Variants in OR52N2 observed in about 807,000 individuals in gnomAD.
The protein encoded by OR52N2 is olfactory receptor family 52 subfamily N member 2.
For missense variants in OR52N2, 326 were observed against 196.6 expected (o/e 1.66, Z -3.94); for synonymous variants, 129 against 72.0 (o/e 1.79, Z -4.01).
intron 1 of OR52N2, among the ~76,000 whole-genome samples, chr11:5,818,947 G>C (rs1846425343): frequency 6.6e-6 from 1 of 152,132 alleles, no homozygotes; most frequent in Admixed American, 6.5e-5. Context: ...CAGAGATCAC[G>C]AGCTTCTGAA....
Position 5,821,446 on chromosome 11 carries a change from A to T in OR52N2, c.*145A>T. ...GCACGTGTACCTAAAATAAAAATAG[A>T]AATAAAAAATCAAAATAAAGACATA... On this transcript the variant is annotated 3_prime_UTR_variant, in exon 2 of 2. Transcript: ENST00000317037. 2 of 571,272 alleles carry T rather than the reference A, an allele frequency of 3.5e-6. No individual in the cohort carries two copies. Among genetic ancestry groups the T allele is most frequent in the Non-Finnish European group, 6.2e-6 (2 of 323,934 alleles). The allele number at this position is 571,272 out of a possible 1,614,324, so 35.4% of individuals were successfully genotyped here.
intron 1 of OR52N2, among the ~76,000 whole-genome samples, chr11:5,819,212 A>T (rs1846427188): frequency 1.2e-5 from 1 of 85,356 alleles, no homozygotes; most frequent in African/African-American, 4.6e-5. Flanking sequence ...TATTCCGAAT[A>T]AAAAAAAAAT....
intron 1 of OR52N2, among the ~76,000 whole-genome samples, chr11:5,810,968 A>C (rs933744989): frequency 6.6e-6 from 1 of 151,948 alleles, no homozygotes; most frequent in African/African-American, 2.4e-5. Flanking sequence ...TGGAGATAAA[A>C]ATTTTTTTAT....
At chr11:5,819,292 A>AT (rs1255655253) in intron 1 of OR52N2, among the ~76,000 whole-genome samples, 1 of 152,184 alleles carries the variant, frequency 6.6e-6, no homozygotes, top group Non-Finnish European at 1.5e-5. Context: ...ATACTATTCA[A>AT]TTCTTTCTAC....
In OR52N2 at chr11:5,820,419, G is replaced by A. The variant is rs1191260207; in HGVS notation, c.84G>A (p.Trp28Ter). The change falls in exon 2 of 2, where the codon TGG becomes TGA. Residue 28 changes from tryptophan to a stop codon, truncating the protein, a stop_gained. Transcript: ENST00000317037. LOFTEE classifies it low-confidence loss of function (END_TRUNC). ...GVPGLEATHI[W>*]ISLPFCFMYI... ...CTGGGCTGGAAGCCACACACATCTGGATCTCCCTGCCATTCTGCTTTATGT... is the reference window on the plus strand; with the variant it reads ...CTGGGCTGGAAGCCACACACATCTGAATCTCCCTGCCATTCTGCTTTATGT... 1 of 780,738 alleles carries A rather than the reference G, an allele frequency of 1.3e-6. No individual in the cohort carries two copies. Among genetic ancestry groups the A allele is most frequent in the Non-Finnish European group, 2.4e-6 (1 of 418,068 alleles). 48.4% of individuals were successfully genotyped at this position (780,738 alleles called of 1,614,324 possible).
In OR52N2 at chr11:5,809,787, T is replaced by C. The variant is rs185316244; in HGVS notation, c.-55+733T>C. ...AAATTTAAATGTGTCCCAGAGATTC[T>C]GGCACATTGTGTCTTTGTTCTCATT... On this transcript the variant is annotated intron_variant, in intron 1 of 1. Coordinates refer to ENST00000317037, the MANE Select transcript of OR52N2 (RefSeq NM_001005174.3). 5.3e-4 allele frequency among the ~76,000 whole-genome samples: 80 copies of C among 152,340 alleles called. 1 individual carries two copies. The highest frequency in any genetic ancestry group is 1.9e-3 in the African/African-American group (78 of 41,590).
At chr11:5,812,285 G>A (rs946160285) in intron 1 of OR52N2, among the ~76,000 whole-genome samples, 3 of 151,058 alleles carry the variant, frequency 2.0e-5, no homozygotes, top group African/African-American at 7.3e-5. Flanking sequence ...ACGAGGTCAG[G>A]AGATCTAGAC....
chr11:5,816,545 C>CTTTTTTTTTTTTTTTTTTTTTTTTTT (rs1464421774), intron 1 of OR52N2, among the ~76,000 whole-genome samples: 1 of 150,604 alleles, frequency 6.6e-6, no homozygotes, highest in Non-Finnish European at 1.5e-5. Flanking sequence ...TGATCTAAAT[C>CTTTTTTTTTTTTTTTTTTTTTTTTTT]TTCTTTTTTT....
chr11:5,809,978 T>C (rs1846342260), intron 1 of OR52N2, among the ~76,000 whole-genome samples: 1 of 152,218 alleles, frequency 6.6e-6, no homozygotes, highest in Non-Finnish European at 1.5e-5. Context: ...GAAAACGGTA[T>C]AATTAATTAT....
chr11:5,814,775 G>T (rs1305650706), intron 1 of OR52N2, among the ~76,000 whole-genome samples: 2 of 152,070 alleles, frequency 1.3e-5, no homozygotes, highest in African/African-American at 4.8e-5. Flanking sequence ...AAGCAATCTT[G>T]AACAAAGAGA....
chr11:5,819,072 TG>T (rs1846426229), intron 1 of OR52N2, among the ~76,000 whole-genome samples: 1 of 152,200 alleles, frequency 6.6e-6, no homozygotes, highest in Non-Finnish European at 1.5e-5. Flanking sequence ...CTCTAAGCCT[TG>T]TGGATTCACA....
intron 1 of OR52N2, among the ~76,000 whole-genome samples, chr11:5,813,809 AG>A (rs1216546145): frequency 6.6e-6 from 1 of 152,208 alleles, no homozygotes; most frequent in Non-Finnish European, 1.5e-5. Context: ...GCACAGTAAA[AG>A]GATCATTCAC....
At chr11:5,810,039 C>G (rs904263017) in intron 1 of OR52N2, among the ~76,000 whole-genome samples, 14 of 152,186 alleles carry the variant, frequency 9.2e-5, no homozygotes, top group African/African-American at 3.4e-4. Context: ...CAACATTCTT[C>G]TTGTCATAAC....
At position 5,810,797 on chromosome 11, in the gene OR52N2, T is replaced by G. The variant is rs539979519; in HGVS notation, c.-55+1743T>G. On this transcript the variant is annotated intron_variant, in intron 1 of 1. Coordinates refer to ENST00000317037, the MANE Select transcript of OR52N2 (RefSeq NM_001005174.3). ...AATCTTTTTTTTTAACCTAATATGT[T>G]ACCTTTTTGTTGTTTTGTTATTGTT... 2.6e-5 allele frequency among the ~76,000 whole-genome samples: 4 copies of G among 152,286 alleles called. No homozygotes were observed. The South Asian group carries it at 8.3e-4, about 32-fold the overall frequency.
At chr11:5,815,685 A>C (rs570512872) in intron 1 of OR52N2, among the ~76,000 whole-genome samples, 3 of 152,294 alleles carry the variant, frequency 2.0e-5, no homozygotes, top group Admixed American at 2.0e-4. Flanking sequence ...CAAAAAATTA[A>C]AACTAAAAAT....
chr11:5,821,352 A>G lies in OR52N2; in HGVS notation c.*51A>G. The G allele has an allele frequency of 1.4e-6, 1 of 690,822 alleles. No homozygotes were observed. The highest frequency in any genetic ancestry group is 2.6e-6 in the Non-Finnish European group (1 of 380,732). 42.8% of individuals were successfully genotyped at this position (690,822 alleles called of 1,614,324 possible). A position where few individuals can be genotyped will look rare whatever the true frequency, so the allele number is the denominator to read the frequency against. On this transcript the variant is annotated 3_prime_UTR_variant, in exon 2 of 2. Coordinates refer to ENST00000317037, the MANE Select transcript of OR52N2 (RefSeq NM_001005174.3). ...GGTGGTGAGAAAATAATGGAGACAA[A>G]ATTTCATAAAAGATGTGAATAAAAT...
chr11:5,811,284 GAAT>G (rs34562705), intron 1 of OR52N2, among the ~76,000 whole-genome samples: 83,849 of 151,352 alleles, frequency 0.55, 23,615 homozygotes, highest in Non-Finnish European at 0.62. Flanking sequence ...GTGAAACTCT[GAAT>G]AATACTGTTA....
chr11:5,818,600 C>T (rs1034783312), intron 1 of OR52N2, among the ~76,000 whole-genome samples: 1 of 150,454 alleles, frequency 6.6e-6, no homozygotes, highest in African/African-American at 2.5e-5. Context: ...ACATTTTTGG[C>T]AAAGAATGCA....
Position 5,821,067 on chromosome 11 carries a change from A to G in OR52N2, c.732A>G (p.Thr244=). Residue 244 remains threonine (T), a synonymous_variant, in exon 2 of 2, where the codon ACA becomes ACG. Coordinates refer to ENST00000317037, the MANE Select transcript of OR52N2 (RefSeq NM_001005174.3). ...DARHKAFSTC[T]SHMCSIVITY... is the part of the protein sequence containing the mutation. ...GTCACAAAGCCTTCAGCACCTGCAC[A>G]TCTCACATGTGTTCCATTGTGATCA... The G allele has an allele frequency of 1.3e-6, 1 of 781,002 alleles. No homozygotes were observed. Among genetic ancestry groups the G allele is most frequent in the Non-Finnish European group, 2.4e-6 (1 of 418,086 alleles). The allele number at this position is 781,002 out of a possible 1,614,324, so 48.4% of individuals were successfully genotyped here.
Sources: gnomAD v4.1 joint callset for allele counts (sites outside exome capture counted in the v4.1 genomes callset) on GRCh38, gnomAD v4.1.1 for gene constraint, MANE v1.5 for transcripts, NCBI Gene and HGNC (gene_info 2026-07-23, HGNC 2026-07-21) for gene names.